The following SLC24A2 variants were observed in gnomAD, a reference collection of about 807,000 sequenced individuals.
SLC24A2 encodes solute carrier family 24 member 2.
A neutral mutation model predicts 62.0 loss-of-function variants in SLC24A2; 36 were observed. That is an observed-to-expected ratio of 0.58 (90% CI 0.44 to 0.77). The LOEUF is 0.77. SLC24A2 is among the 30% of genes least tolerant of loss of function. SLC24A2 has a pLI of 0.00. For synonymous variants in SLC24A2, 358 were observed against 294.0 expected (o/e 1.22, Z -2.23); for missense variants, 846 against 817.9 (o/e 1.03, Z -0.42).
chr9:20,182,832 G>A, the SLC24A2 span, among the ~76,000 whole-genome samples: 2 of 152,152 alleles, frequency 1.3e-5, no homozygotes, highest in African/African-American at 4.8e-5. Flanking sequence ...TCATGTATAA[G>A]TATAAAGGCA....
At chr9:19,861,564 AT>A in the SLC24A2 span, among the ~76,000 whole-genome samples, 16 of 152,292 alleles carry the variant, frequency 1.1e-4, no homozygotes, top group African/African-American at 3.6e-4. Context: ...CCAGGAAAAC[AT>A]GACCTCATTA....
chr9:19,851,104 A>G, the SLC24A2 span, among the ~76,000 whole-genome samples: 4 of 142,632 alleles, frequency 2.8e-5, no homozygotes, highest in East Asian at 6.1e-4. Flanking sequence ...GCTCACCACA[A>G]TCTCTATCTC....
intron 2 of SLC24A2, among the ~76,000 whole-genome samples, chr9:19,633,350 G>A (rs906635280): frequency 1.2e-4 from 18 of 152,146 alleles, no homozygotes; most frequent in African/African-American, 4.3e-4. Flanking sequence ...ATAAGACCAT[G>A]CTTTTGTTTT....
the SLC24A2 span, among the ~76,000 whole-genome samples, chr9:20,161,039 T>C: frequency 1.3e-5 from 2 of 151,328 alleles, no homozygotes; most frequent in East Asian, 1.9e-4. Flanking sequence ...GAAAATGACA[T>C]GACTTGGAGG....
chr9:20,154,311 G>A, the SLC24A2 span, among the ~76,000 whole-genome samples: 1 of 151,778 alleles, frequency 6.6e-6, no homozygotes, highest in Non-Finnish European at 1.5e-5. Flanking sequence ...AAGTCACACT[G>A]GGTACTGACA....
At chr9:19,764,651 A>C (rs375342854) in intron 2 of SLC24A2, among the ~76,000 whole-genome samples, 1 of 152,194 alleles carries the variant, frequency 6.6e-6, no homozygotes, top group East Asian at 1.9e-4. Context: ...TTTTGATTGC[A>C]CTGTAGTCAG....
At chr9:19,719,718 G>A (rs1204228624) in intron 2 of SLC24A2, among the ~76,000 whole-genome samples, 4 of 152,142 alleles carry the variant, frequency 2.6e-5, no homozygotes, top group Non-Finnish European at 5.9e-5. Context: ...TAAATAAAAG[G>A]AATTTCAAAC....
chr9:20,222,745 T>C, the SLC24A2 span, among the ~76,000 whole-genome samples: 1 of 152,022 alleles, frequency 6.6e-6, no homozygotes, highest in Non-Finnish European at 1.5e-5. Context: ...TTTTAGTAGA[T>C]GCAAAAAATG....
the SLC24A2 span, among the ~76,000 whole-genome samples, chr9:20,168,383 C>A: frequency 6.6e-6 from 1 of 151,708 alleles, no homozygotes; most frequent in African/African-American, 2.4e-5. Context: ...ATAAATACAA[C>A]TTCATCAAAT....
At chr9:19,745,784 T>G (rs1821815167) in intron 2 of SLC24A2, among the ~76,000 whole-genome samples, 1 of 152,162 alleles carries the variant, frequency 6.6e-6, no homozygotes, top group Admixed American at 6.6e-5. Context: ...CTTTACACAA[T>G]AGGCAAAGCA....
chr9:19,872,817 C>T, the SLC24A2 span, among the ~76,000 whole-genome samples: 1 of 152,054 alleles, frequency 6.6e-6, no homozygotes, highest in African/African-American at 2.4e-5. Context: ...AAAAATATTC[C>T]CTTATACCAT....
chr9:19,526,389 T>C (rs6475341), intron 9 of SLC24A2, among the ~76,000 whole-genome samples: 112,212 of 152,096 alleles, frequency 0.74, 42,337 homozygotes, highest in East Asian at 0.94. Flanking sequence ...CTAGATCATA[T>C]GGTAACTCTA....
chr9:19,796,894 G>A, the SLC24A2 span, among the ~76,000 whole-genome samples: 1 of 151,906 alleles, frequency 6.6e-6, no homozygotes, highest in Admixed American at 6.6e-5. Context: ...ATAAATATCT[G>A]GGAAATTTGT....
At position 19,512,224 on chromosome 9, in the gene SLC24A2, G is replaced by A. The variant is rs891586356; in HGVS notation, c.*3929C>T. Reference sequence around the variant, plus strand: ...CATTGTCAAATGTCTAATCAGCGAGGCAGCTGCGTTTTGCTGAAAGGGCTC... The same window carrying A: ...CATTGTCAAATGTCTAATCAGCGAGACAGCTGCGTTTTGCTGAAAGGGCTC... On this transcript the variant is annotated 3_prime_UTR_variant, in exon 11 of 11. Coordinates refer to ENST00000341998, the MANE Select transcript of SLC24A2 (RefSeq NM_020344.4). 3 of 152,208 alleles carry A rather than the reference G, an allele frequency of 2.0e-5. No homozygotes were observed. Among genetic ancestry groups the A allele is most frequent in the Non-Finnish European group, 4.4e-5 (3 of 68,046 alleles). The allele number at this position is 152,208 out of a possible 1,614,324, so 9.4% of individuals were successfully genotyped here.
chr9:19,509,804 G>C lies in SLC24A2; in HGVS notation c.*6349C>G, dbSNP rs989342549. The C allele has an allele frequency of 3.9e-5, 6 of 152,068 alleles. No homozygotes were observed. The highest frequency in any genetic ancestry group is 8.8e-5 in the Non-Finnish European group (6 of 68,022). 9.4% of individuals were successfully genotyped at this position (152,068 alleles called of 1,614,324 possible). ...AGAACTGTTAGTCTCCAAGGCCTTA[G>C]TTACTTATGGATCCATTATGAAGGA... On this transcript the variant is annotated 3_prime_UTR_variant, in exon 11 of 11. Coordinates refer to ENST00000341998, the MANE Select transcript of SLC24A2 (RefSeq NM_020344.4).
intron 9 of SLC24A2, 90 bp from the exon 10 acceptor site, chr9:19,521,150 G>A (rs938722523): frequency 1.8e-6 from 2 of 1,140,288 alleles, no homozygotes; most frequent in Admixed American, 1.9e-5. Flanking sequence ...TCCTTTTAAT[G>A]CATTTCTATA....
the SLC24A2 span, among the ~76,000 whole-genome samples, chr9:20,140,215 ACTGAAG>A: frequency 6.6e-6 from 1 of 152,334 alleles, no homozygotes; most frequent in East Asian, 1.9e-4. Context: ...ATTTCCAGCT[ACTGAAG>A]CTGACTCAGG....
the SLC24A2 span, among the ~76,000 whole-genome samples, chr9:20,115,937 T>A: frequency 3.3e-5 from 5 of 151,896 alleles, no homozygotes; most frequent in African/African-American, 1.2e-4. Context: ...AGGCAAGAGA[T>A]TTTTTTATCT....
the SLC24A2 span, among the ~76,000 whole-genome samples, chr9:20,270,927 C>T: frequency 2.2e-4 from 34 of 152,176 alleles, no homozygotes; most frequent in Admixed American, 5.2e-4. Flanking sequence ...GAAGAACTTG[C>T]CTTTGTTCTT....
Sources: allele counts gnomAD v4.1 joint callset (sites outside exome capture counted in the v4.1 genomes callset), GRCh38; gene constraint gnomAD v4.1.1; transcripts MANE v1.5; gene names NCBI Gene and HGNC (gene_info 2026-07-23, HGNC 2026-07-21).